Variants in CEBPZ observed in about 807,000 individuals in gnomAD.
The protein encoded by CEBPZ is CCAAT enhancer binding protein zeta, also known as CCAAT/enhancer-binding protein zeta.
A neutral mutation model predicts 104.5 loss-of-function variants in CEBPZ; 78 were observed. That is an observed-to-expected ratio of 0.75 (90% CI 0.62 to 0.90). CEBPZ has a LOEUF of 0.90. Among genes scored for constraint, CEBPZ ranks in the 40% least tolerant of loss-of-function variants. The probability of loss-of-function intolerance (pLI) is 0.00; values close to 1 mark genes in which losing one functional copy is unlikely to be tolerated. For synonymous variants in CEBPZ, 470 were observed against 427.0 expected (o/e 1.10, Z -1.24); for missense variants, 1,439 against 1,233.5 (o/e 1.17, Z -2.50).
chr2:37,221,450 A>G (rs564763442), intron 4 of CEBPZ, among the ~76,000 whole-genome samples: 28 of 152,368 alleles, frequency 1.8e-4, no homozygotes, highest in Admixed American at 1.8e-3. Context: ...AACTAGGTCT[A>G]AAGTCTTTTG....
At chr2:37,217,235 A>G (rs1375786151) in intron 5 of CEBPZ, among the ~76,000 whole-genome samples, 198 bp from the exon 6 acceptor site, 1 of 151,886 alleles carries the variant, frequency 6.6e-6, no homozygotes, top group Non-Finnish European at 1.5e-5. Context: ...CATGTCTACA[A>G]AAAGTACAAA....
chr2:37,202,480 A>G, intron 15 of CEBPZ: 1 of 201,778 alleles, frequency 5.0e-6, no homozygotes. Flanking sequence ...CCCTGTTTCT[A>G]CTAAAAATAC....
At chr2:37,211,527 G>A (rs1677720200) in intron 12 of CEBPZ, 1 of 281,678 alleles carries the variant, frequency 3.6e-6, no homozygotes, top group Non-Finnish European at 6.6e-6. Flanking sequence ...GATGAATACT[G>A]ATTAACTTTT....
chr2:37,226,476 T>C (rs1022773607), intron 2 of CEBPZ, among the ~76,000 whole-genome samples: 2 of 152,214 alleles, frequency 1.3e-5, no homozygotes, highest in Non-Finnish European at 2.9e-5. Flanking sequence ...GTTCTGTCAT[T>C]TACAAGCTGT....
rs760789556 is a variant in CEBPZ at position 37,231,447 on chromosome 2, A to C, written c.121T>G (p.Ser41Ala). 1.2e-6 allele frequency: 2 copies of C among 1,614,208 alleles called. No homozygotes were observed. The highest frequency in any genetic ancestry group is 4.5e-5 in the East Asian group (2 of 44,878). The change falls in exon 1 of 16, where the codon TCC becomes GCC. Residue 41 changes from serine to alanine, a missense_variant. Transcript: ENST00000234170. ...DNTSEAENGF[S>A]LEEVLRLGGT... ...CCGAGCCGTAACACTTCCTCCAGGG[A>C]GAACCCATTCTCGGCTTCACTAGTA...
intron 4 of CEBPZ, 72 bp downstream of exon 4, chr2:37,222,308 G>T: frequency 8.2e-7 from 1 of 1,226,804 alleles, no homozygotes; most frequent in Non-Finnish European, 1.1e-6. Flanking sequence ...TAAATAAAAT[G>T]GTAGAATGCT....
rs1664935156 is a variant in CEBPZ at position 37,228,076 on chromosome 2, G to A, written c.1117C>T (p.Leu373Phe). The change falls in exon 2 of 16, where the codon CTT becomes TTT. Residue 373 changes from leucine (L) to phenylalanine (F), a missense_variant. Leu to Phe is a conservative substitution (Grantham distance 22). Transcript: ENST00000234170. ...TRALTVAHEL[L>F]CNKPEEEKAL... ...TTTTCTTCCTCAGGCTTGTTACAAA[G>A]CAGCTCATGAGCCACGGTAAGGGCT... The A allele has an allele frequency of 6.2e-7, 1 of 1,614,090 alleles. No homozygotes were observed.
intron 13 of CEBPZ, chr2:37,208,763 A>G (rs1572495425): frequency 1.3e-5 from 2 of 152,208 alleles, no homozygotes; most frequent in African/African-American, 4.8e-5. Flanking sequence ...CACCACTTCT[A>G]TTCAACATAG....
chr2:37,220,241 C>T (rs942850543), intron 5 of CEBPZ, 144 bp downstream of exon 5: 12 of 233,036 alleles, frequency 5.1e-5, no homozygotes, highest in Non-Finnish European at 7.7e-5. Flanking sequence ...GGCTTGAACC[C>T]GGAAGGCGGA....
intron 2 of CEBPZ, among the ~76,000 whole-genome samples, chr2:37,227,323 C>A (rs1328403034): frequency 6.6e-6 from 1 of 152,128 alleles, no homozygotes; most frequent in Non-Finnish European, 1.5e-5. Context: ...TATTTTACAA[C>A]CTCTCAAAAT....
At position 37,201,645 on chromosome 2, in the gene CEBPZ, A is replaced by G; in HGVS notation, c.*119T>C. On this transcript the variant is annotated 3_prime_UTR_variant, in exon 16 of 16. Transcript: ENST00000234170. ...TGAGAGCTATTTTTATTTATAGTTT[A>G]TTACAAATCCACTGAGAAGTCTGGA... 1 of 734,628 alleles carries G rather than the reference A, an allele frequency of 1.4e-6. No individual in the cohort carries two copies. 45.5% of individuals were successfully genotyped at this position (734,628 alleles called of 1,614,324 possible).
intron 2 of CEBPZ, among the ~76,000 whole-genome samples, chr2:37,224,865 G>A (rs1439062937): frequency 6.6e-6 from 1 of 152,144 alleles, no homozygotes; most frequent in Non-Finnish European, 1.5e-5. Flanking sequence ...ATCTGTGAGC[G>A]CTTTTGGCAA....
At position 37,228,291 on chromosome 2, in the gene CEBPZ, T is replaced by A. The variant is rs750797316; in HGVS notation, c.902A>T (p.Asn301Ile). 3 of 1,614,208 alleles carry A rather than the reference T, an allele frequency of 1.9e-6. No homozygotes were observed. The highest frequency in any genetic ancestry group is 2.5e-6 in the Non-Finnish European group (3 of 1,180,024). Residue 301 changes from asparagine (N) to isoleucine (I), a missense_variant, in exon 2 of 16, where the codon AAT becomes ATT. By Grantham distance (149) the Asn-to-Ile change is moderately radical. Transcript: ENST00000234170. Reference protein sequence around the residue: ...ELLITDLLPDNRKLRIFSQRP... With the variant: ...ELLITDLLPDIRKLRIFSQRP... ...CTGGCTGAAAATCCTCAGCTTCCGATTGTCTGGCAAAAGGTCTGTGATAAG... is the reference window on the plus strand; with the variant it reads ...CTGGCTGAAAATCCTCAGCTTCCGAATGTCTGGCAAAAGGTCTGTGATAAG...
chr2:37,212,698 T>A (rs1677761911), intron 10 of CEBPZ: 1 of 374,890 alleles, frequency 2.7e-6, no homozygotes, highest in Admixed American at 4.4e-5. Context: ...CTTTTTACTC[T>A]ATTAGAACTA....
At chr2:37,219,611 A>T (rs1194996125) in intron 5 of CEBPZ, among the ~76,000 whole-genome samples, 1 of 152,206 alleles carries the variant, frequency 6.6e-6, no homozygotes, top group Non-Finnish European at 1.5e-5. Flanking sequence ...CTCACTAAAA[A>T]GGTATCAGGA....
intron 4 of CEBPZ, among the ~76,000 whole-genome samples, chr2:37,220,753 G>A (rs1465928584): frequency 6.6e-6 from 1 of 152,210 alleles, no homozygotes; most frequent in Non-Finnish European, 1.5e-5. Context: ...CACTTAGGGA[G>A]GCTGAGGCGA....
intron 13 of CEBPZ, chr2:37,210,716 AG>A: frequency 3.4e-6 from 1 of 297,146 alleles, no homozygotes. Context: ...TCACTACTAA[AG>A]AACTTACCTA....
At chr2:37,203,648 A>G (rs1052783376) in intron 13 of CEBPZ, 10 of 152,236 alleles carry the variant, frequency 6.6e-5, no homozygotes, top group African/African-American at 2.4e-4. Flanking sequence ...AAATTTACAG[A>G]CTTGTTCAAC....
At chr2:37,222,730 G>A (rs1051842198) in intron 3 of CEBPZ, among the ~76,000 whole-genome samples, 167 bp from the exon 4 acceptor site, 8 of 152,174 alleles carry the variant, frequency 5.3e-5, no homozygotes, top group Non-Finnish European at 1.0e-4. Context: ...CAAGAGAGGA[G>A]ATTACATCCT....
Sources: allele counts gnomAD v4.1 joint callset (sites outside exome capture counted in the v4.1 genomes callset), GRCh38; gene constraint gnomAD v4.1.1; transcripts MANE v1.5; gene names NCBI Gene and HGNC (gene_info 2026-07-23, HGNC 2026-07-21).